CD163L1: variants seen among roughly 807,000 people sequenced by gnomAD.
CD163L1 encodes CD163 molecule like 1.
In CD163L1, 124 loss-of-function variants were observed where a neutral mutation model predicts 165.4. That is an observed-to-expected ratio of 0.75 (90% CI 0.65 to 0.87). The LOEUF (loss-of-function observed/expected upper bound fraction) is 0.87. CD163L1 is among the 40% of genes least tolerant of loss of function. CD163L1 has a pLI of 0.00. For synonymous variants in CD163L1, 585 were observed against 662.2 expected (o/e 0.88, Z 1.79); for missense variants, 1,525 against 1,799.9 (o/e 0.85, Z 2.76).
At chr12:7,343,642 G>A (rs1333365664), downstream of CD163L1, among the ~76,000 whole-genome samples, 3 of 152,138 alleles carry the variant, frequency 2.0e-5, no homozygotes, top group Non-Finnish European at 4.4e-5. Flanking sequence ...CTATCCTGAG[G>A]ATAGCAGCAA....
the CD163L1 span, among the ~76,000 whole-genome samples, chr12:7,333,780 A>G: frequency 6.6e-6 from 1 of 152,244 alleles, no homozygotes. Context: ...AGAATCAAAT[A>G]GACACCATAA....
chr12:7,387,424 T>C (rs1053181415), intron 8 of CD163L1, among the ~76,000 whole-genome samples: 10 of 152,222 alleles, frequency 6.6e-5, no homozygotes, highest in Admixed American at 5.2e-4. Context: ...ATAGTTTGGA[T>C]GTTTGCCCCT....
At chr12:7,342,467 G>A (rs370265022), downstream of CD163L1, among the ~76,000 whole-genome samples, 4 of 152,032 alleles carry the variant, frequency 2.6e-5, no homozygotes, top group Non-Finnish European at 4.4e-5. Context: ...TAATAAATAC[G>A]TGGGCAAATC....
chr12:7,362,722 A>C (rs1218038746), intron 18 of CD163L1, among the ~76,000 whole-genome samples: 1 of 147,400 alleles, frequency 6.8e-6, no homozygotes, highest in Non-Finnish European at 1.5e-5. Context: ...AATATATAAT[A>C]ATATATAACA....
chr12:7,401,387 T>C (rs2136516478), intron 6 of CD163L1, among the ~76,000 whole-genome samples: 1 of 152,084 alleles, frequency 6.6e-6, no homozygotes, highest in South Asian at 2.1e-4. Context: ...GGAACTGAAA[T>C]TGAATAGAAG....
chr12:7,396,259 G>C lies in CD163L1; in HGVS notation c.1886C>G (p.Ser629Cys). 3 of 1,614,130 alleles carry C rather than the reference G, an allele frequency of 1.9e-6. No homozygotes were observed. The highest frequency in any genetic ancestry group is 1.3e-5 in the African/African-American group (1 of 75,028). Residue 629 changes from serine (S) to cysteine (C), a missense_variant, in exon 8 of 20, where the codon TCT becomes TGT. By Grantham distance (112) the Ser-to-Cys change is moderately radical. Transcript: ENST00000313599. ...VVCSQLDCPS[S>C]IIGMGLGNAS... ...GTTTCCCAGACCCATGCCAATGATA[G>C]AAGATGGGCAGTCCAGCTGGCTACA...
chr12:7,399,423 C>A (rs1947860227), intron 6 of CD163L1, among the ~76,000 whole-genome samples: 1 of 147,292 alleles, frequency 6.8e-6, no homozygotes, highest in African/African-American at 2.5e-5. Context: ...TCCTTCCCCT[C>A]CCCCATTCTT....
intron 4 of CD163L1, among the ~76,000 whole-genome samples, chr12:7,429,436 A>G (rs1400846144): frequency 1.3e-5 from 2 of 152,106 alleles, no homozygotes; most frequent in African/African-American, 4.8e-5. Context: ...CTAAATTTAT[A>G]TCTCTAATTC....
chr12:7,333,348 A>G, the CD163L1 span, among the ~76,000 whole-genome samples: 1 of 152,138 alleles, frequency 6.6e-6, no homozygotes, highest in Non-Finnish European at 1.5e-5. Flanking sequence ...ACTCAAAACC[A>G]CTCAACCACA....
chr12:7,380,364 C>CGT (rs1947366874), intron 8 of CD163L1, among the ~76,000 whole-genome samples: 3 of 144,450 alleles, frequency 2.1e-5, no homozygotes, highest in African/African-American at 8.3e-5. Flanking sequence ...TGTGTATACG[C>CGT]GTATACATAC....
At chr12:7,379,965 G>T (rs1947350410) in intron 8 of CD163L1, among the ~76,000 whole-genome samples, 1 of 151,578 alleles carries the variant, frequency 6.6e-6, no homozygotes, top group Non-Finnish European at 1.5e-5. Context: ...TGCAAGAATG[G>T]CCATAACCAA....
In CD163L1 at chr12:7,433,275, AG is replaced by A. The variant is rs919675923; in HGVS notation, c.445+98del. On this transcript the variant is annotated intron_variant, in intron 3 of 19. Transcript: ENST00000313599. ...ATAAAATATTTCCTACACCTCCCAG[AG>A]GGACACTATTAAAGTCATAATAGAA... 3.9e-6 allele frequency: 4 copies of A among 1,025,634 alleles called. No individual in the cohort carries two copies. The African/African-American group carries it at 6.4e-5, about 16-fold the overall frequency. The allele number at this position is 1,025,634 out of a possible 1,614,324, so 63.5% of individuals were successfully genotyped here. A position where few individuals can be genotyped will look rare whatever the true frequency, so the allele number is the denominator to read the frequency against.
chr12:7,379,401 G>C (rs1224345297), intron 8 of CD163L1, 103 bp from the exon 9 acceptor site: 1 of 1,184,998 alleles, frequency 8.4e-7, no homozygotes, highest in African/African-American at 1.5e-5. Context: ...GCCAAAAGTT[G>C]AGAGATTGTT....
downstream of CD163L1, among the ~76,000 whole-genome samples, chr12:7,344,339 C>T (rs375992042): frequency 1.2e-4 from 19 of 152,272 alleles, no homozygotes; most frequent in South Asian, 4.1e-4. Flanking sequence ...CTGCCTGCTT[C>T]GGCCTCCCAA....
At chr12:7,342,067 G>T (rs73270563), downstream of CD163L1, among the ~76,000 whole-genome samples, 4,573 of 151,996 alleles carry the variant, frequency 0.03, 240 homozygotes, top group African/African-American at 0.1. Flanking sequence ...ACTCAAGATG[G>T]TCACACAGAA....
At chr12:7,395,108 G>T (rs1947744791) in intron 8 of CD163L1, among the ~76,000 whole-genome samples, 1 of 152,140 alleles carries the variant, frequency 6.6e-6, no homozygotes, top group East Asian at 1.9e-4. Flanking sequence ...ATACCCAAAG[G>T]ATTATAAATC....
chr12:7,424,701 A>G (rs753768719), intron 4 of CD163L1, among the ~76,000 whole-genome samples: 2 of 152,308 alleles, frequency 1.3e-5, no homozygotes, highest in African/African-American at 2.4e-5. Context: ...ATAGACAAAC[A>G]GAGAGCCAAA....
intron 2 of CD163L1, chr12:7,439,528 T>C (rs1410895461): frequency 5.1e-5 from 81 of 1,577,086 alleles, no homozygotes; most frequent in Non-Finnish European, 6.6e-5. Flanking sequence ...TAATTTTTTC[T>C]TTTTCTTCTT....
intron 8 of CD163L1, among the ~76,000 whole-genome samples, chr12:7,389,960 T>TTATATATATATATTTATA (rs1555197838): frequency 1.1e-3 from 149 of 135,940 alleles, no homozygotes; most frequent in African/African-American, 3.9e-3. Flanking sequence ...ATATATATAT[T>TTATATATATATATTTATA]TATATATATA....
Sources: gnomAD v4.1 joint callset for allele counts (sites outside exome capture counted in the v4.1 genomes callset) on GRCh38, gnomAD v4.1.1 for gene constraint, MANE v1.5 for transcripts, NCBI Gene and HGNC (gene_info 2026-07-23, HGNC 2026-07-21) for gene names.